EMSY: variants seen among roughly 807,000 people sequenced by gnomAD.
The protein encoded by EMSY is BRCA2-interacting transcriptional repressor EMSY.
A neutral mutation model predicts 134.6 loss-of-function variants in EMSY; 26 were observed. The ratio of observed to expected loss-of-function variants is 0.19; its 90% CI spans 0.14 to 0.27. EMSY has a LOEUF of 0.27. Among genes scored for constraint, EMSY ranks in the 10% least tolerant of loss-of-function variants. The probability of loss-of-function intolerance (pLI) is 1.00; values close to 1 mark genes in which losing one functional copy is unlikely to be tolerated. For synonymous variants in EMSY, 579 were observed against 577.8 expected, an observed-to-expected ratio of 1.00 and a Z score of -0.03; for missense variants, 1,305 against 1,611.4, an observed-to-expected ratio of 0.81 and a Z score of 3.26.
At chr11:76,450,036 T>C (rs1947589200) in intron 2 of EMSY, among the ~76,000 whole-genome samples, 1 of 147,792 alleles carries the variant, frequency 6.8e-6, no homozygotes, top group African/African-American at 2.5e-5. Flanking sequence ...GTTCTTTTAC[T>C]CTATTTCTTT....
intron 14 of EMSY, among the ~76,000 whole-genome samples, chr11:76,532,128 A>G (rs1951063848): frequency 1.3e-5 from 2 of 152,100 alleles, no homozygotes; most frequent in African/African-American, 2.4e-5. Flanking sequence ...TTTGTGTGTT[A>G]TAATTGTTTT....
chr11:76,496,545 A>AC, intron 9 of EMSY, 76 bp downstream of exon 10: 1 of 1,486,132 alleles, frequency 6.7e-7, no homozygotes, highest in Non-Finnish European at 9.3e-7. Flanking sequence ...GTCCATGAAC[A>AC]CGGTATGTCT....
chr11:76,499,275 C>CTTT lies in EMSY; in HGVS notation c.1363+2834_1363+2836dup, dbSNP rs777778051. Reference sequence around the variant, plus strand: ...TGCATCTGGCCAACCAATCTTATAACTTTTTTTTTTTTTTTTTTTTTTTTT... The same window carrying CTTT: ...TGCATCTGGCCAACCAATCTTATAACTTTTTTTTTTTTTTTTTTTTTTTTTTTT... On this transcript the variant is annotated intron_variant, in intron 9 of 20. Transcript: ENST00000334736. Among the ~76,000 whole-genome samples, 221 of 70,006 alleles carry CTTT rather than the reference C, an allele frequency of 3.2e-3. 11 individuals carry two copies. Among genetic ancestry groups the CTTT allele is most frequent in the South Asian group, 3.9e-3 (7 of 1,804 alleles). 45.9% of individuals were successfully genotyped at this position (70,006 alleles called of 152,430 possible).
chr11:76,501,917 A>T (rs1231622226), intron 9 of EMSY, among the ~76,000 whole-genome samples: 1 of 152,102 alleles, frequency 6.6e-6, no homozygotes, highest in Non-Finnish European at 1.5e-5. Flanking sequence ...GACAAAAAGA[A>T]AATCTTGAAC....
In EMSY at chr11:76,541,262, G is replaced by A. The variant is rs902611112; in HGVS notation, c.2558-954G>A. ...AACAAATGAATAAAAAGTTGAAGCT[G>A]GTAAAATTTGATAGATTGGTTACTT... On this transcript the variant is annotated intron_variant, in intron 17 of 20. Transcript: ENST00000334736. 2.0e-5 allele frequency among the ~76,000 whole-genome samples: 3 copies of A among 152,052 alleles called. No homozygotes were observed. In the East Asian group the frequency reaches 5.8e-4, roughly 29 times the overall value.
chr11:76,517,903 C>T (rs1186185192), intron 11 of EMSY, among the ~76,000 whole-genome samples: 1 of 152,154 alleles, frequency 6.6e-6, no homozygotes, highest in Non-Finnish European at 1.5e-5. Context: ...TTCATTGACA[C>T]TTTTATTCCA....
intron 17 of EMSY, among the ~76,000 whole-genome samples, 191 bp downstream of exon 18, chr11:76,539,831 GAA>G (rs1951366265): frequency 2.0e-5 from 3 of 152,082 alleles, no homozygotes; most frequent in African/African-American, 7.2e-5. Context: ...TTTGACAGTG[GAA>G]AAAAGAGTTC....
chr11:76,529,416 T>G (rs1950955560), intron 14 of EMSY, among the ~76,000 whole-genome samples: 1 of 152,198 alleles, frequency 6.6e-6, no homozygotes, highest in Non-Finnish European at 1.5e-5. Flanking sequence ...CTTCCTTGAT[T>G]AGTCTTACAT....
chr11:76,479,910 T>G (rs1948904542), intron 8 of EMSY, among the ~76,000 whole-genome samples: 1 of 152,166 alleles, frequency 6.6e-6, no homozygotes, highest in Non-Finnish European at 1.5e-5. Flanking sequence ...GTAATACTGG[T>G]CATGAAACAA....
At position 76,505,257 on chromosome 11, in the gene EMSY, G is replaced by A. The variant is rs571131565; in HGVS notation, c.1364-8129G>A. 7.2e-5 allele frequency among the ~76,000 whole-genome samples: 11 copies of A among 152,052 alleles called. No homozygotes were observed. In the South Asian group the frequency reaches 1.2e-3, roughly 17 times the overall value. ...CCAGCACTTTGGGAGGCCAAGGCGG[G>A]CGGTCTTGGCTCACTGCAACTTACG... On this transcript the variant is annotated intron_variant, in intron 9 of 20. Transcript: ENST00000334736.
chr11:76,537,954 G>C lies in EMSY; in HGVS notation c.2515+4G>C, dbSNP rs1951286523. On this transcript the variant is annotated splice_donor_region_variant and intron_variant, in intron 16 of 20. Coordinates refer to ENST00000334736, the Ensembl canonical transcript of EMSY. ...GTAGCTGAATACATCACTACTGGTA[G>C]GTGTCCTCTTAAAATGTAGTATTAA... The C allele has an allele frequency of 1.9e-6, 3 of 1,603,068 alleles. No homozygotes were observed. The South Asian group carries it at 3.4e-5, about 18-fold the overall frequency.
At chr11:76,507,504 A>G (rs1200186055) in intron 9 of EMSY, among the ~76,000 whole-genome samples, 2 of 152,238 alleles carry the variant, frequency 1.3e-5, no homozygotes, top group Admixed American at 6.5e-5. Context: ...TGTTATTTCA[A>G]CAACATCCAC....
At chr11:76,523,848 C>T (rs1358870251) in intron 12 of EMSY, among the ~76,000 whole-genome samples, 2 of 151,152 alleles carry the variant, frequency 1.3e-5, no homozygotes, top group Non-Finnish European at 2.9e-5. Flanking sequence ...AGTTCAAGAC[C>T]AGCCTTGGCA....
chr11:76,452,992 GA>G (rs1460729743), intron 3 of EMSY, among the ~76,000 whole-genome samples: 3 of 152,256 alleles, frequency 2.0e-5, no homozygotes, highest in Admixed American at 6.5e-5. Flanking sequence ...TGCATGTTTA[GA>G]TAGCAGGAAG....
intron 19 of EMSY, among the ~76,000 whole-genome samples, 189 bp from the exon 21 acceptor site, chr11:76,545,608 C>T (rs1188825567): frequency 6.6e-6 from 1 of 152,208 alleles, no homozygotes; most frequent in Non-Finnish European, 1.5e-5. Context: ...TCAACCCCTC[C>T]TCTTTCTCTA....
At chr11:76,537,116 A>T (rs1483075047) in intron 15 of EMSY, among the ~76,000 whole-genome samples, 1 of 152,150 alleles carries the variant, frequency 6.6e-6, no homozygotes, top group East Asian at 1.9e-4. Context: ...ATGCTGAGCC[A>T]TTTCTCTTAA....
intron 9 of EMSY, among the ~76,000 whole-genome samples, chr11:76,501,161 T>C (rs1397606244): frequency 1.3e-5 from 2 of 152,246 alleles, no homozygotes; most frequent in African/African-American, 4.8e-5. Context: ...ATTTTTGTTG[T>C]CTTTTTCCTA....
At chr11:76,451,748 ATATTTT>A (rs1470835084) in intron 2 of EMSY, 104 bp from the exon 3 acceptor site, 1 of 516,192 alleles carries the variant, frequency 1.9e-6, no homozygotes, top group Non-Finnish European at 3.2e-6. Context: ...ATTTAAAACA[ATATTTT>A]TATTTAATTA....
intron 4 of EMSY, among the ~76,000 whole-genome samples, chr11:76,457,565 G>A (rs776599518): frequency 1.6e-4 from 24 of 152,206 alleles, no homozygotes; most frequent in Middle Eastern, 3.4e-3. Flanking sequence ...TTCTAGTGTC[G>A]TTAGATCTAG....
Sources: gnomAD v4.1 joint callset for allele counts (sites outside exome capture counted in the v4.1 genomes callset) on GRCh38, gnomAD v4.1.1 for gene constraint, MANE v1.5 for transcripts, NCBI Gene and HGNC (gene_info 2026-07-23, HGNC 2026-07-21) for gene names.